Variants in FSTL4 observed in about 807,000 individuals in gnomAD.
FSTL4 encodes the protein follistatin like 4, also known as follistatin-related protein 4.
A neutral mutation model predicts 78.2 loss-of-function variants in FSTL4; 28 were observed. The observed-to-expected ratio is 0.36, with a 90% CI of 0.27 to 0.49. The LOEUF (loss-of-function observed/expected upper bound fraction) is 0.49. Ranked by LOEUF, FSTL4 falls within the 20% of genes least tolerant of loss-of-function variation. The probability of loss-of-function intolerance (pLI) is 0.98; values close to 1 mark genes in which losing one functional copy is unlikely to be tolerated. For synonymous variants in FSTL4, 422 were observed against 440.5 expected (o/e 0.96, Z 0.53); for missense variants, 922 against 1,084.9 (o/e 0.85, Z 2.11).
the FSTL4 span, among the ~76,000 whole-genome samples, chr5:133,639,571 A>G: frequency 2.0e-5 from 3 of 152,174 alleles, no homozygotes; most frequent in Non-Finnish European, 4.4e-5. Flanking sequence ...CAGAGCTTTG[A>G]GTCAAGTCAG....
the FSTL4 span, among the ~76,000 whole-genome samples, chr5:133,681,506 AAG>A: frequency 9.8e-3 from 1,497 of 152,346 alleles, 10 homozygotes; most frequent in Middle Eastern, 0.027. Context: ...GCCAAAATGT[AAG>A]AGTGATTTAC....
intron 3 of FSTL4, among the ~76,000 whole-genome samples, chr5:133,504,225 C>A (rs1001846785): frequency 1.3e-5 from 2 of 152,104 alleles, no homozygotes; most frequent in African/African-American, 4.8e-5. Flanking sequence ...CCGAAACTCC[C>A]TGTATTAGTG....
the FSTL4 span, among the ~76,000 whole-genome samples, chr5:133,802,240 C>T: frequency 2.6e-5 from 4 of 152,102 alleles, no homozygotes; most frequent in African/African-American, 9.7e-5. Context: ...TAAATATTGA[C>T]CAAATCGATG....
chr5:133,554,528 C>T (rs149711155), intron 3 of FSTL4, among the ~76,000 whole-genome samples: 37 of 152,300 alleles, frequency 2.4e-4, no homozygotes, highest in African/African-American at 7.9e-4. Flanking sequence ...TGTGGACAGA[C>T]GGGTCAGCTC....
chr5:133,568,412 C>T (rs1375237648), intron 2 of FSTL4, among the ~76,000 whole-genome samples: 1 of 152,162 alleles, frequency 6.6e-6, no homozygotes, highest in Non-Finnish European at 1.5e-5. Context: ...CACACCTTAG[C>T]ATTCTTGTCT....
At chr5:133,786,352 C>A in the FSTL4 span, among the ~76,000 whole-genome samples, 3 of 152,220 alleles carry the variant, frequency 2.0e-5, no homozygotes, top group East Asian at 3.8e-4. Flanking sequence ...ACTTTATAAT[C>A]ATTCTTCTGG....
the FSTL4 span, among the ~76,000 whole-genome samples, chr5:133,738,446 C>T: frequency 0.061 from 9,309 of 152,254 alleles, 380 homozygotes; most frequent in Non-Finnish European, 0.081. Flanking sequence ...GCCAAGGCCA[C>T]GTATATGATT....
chr5:133,419,875 C>T (rs917528830), intron 3 of FSTL4, among the ~76,000 whole-genome samples: 5 of 152,178 alleles, frequency 3.3e-5, no homozygotes, highest in Non-Finnish European at 7.4e-5. Flanking sequence ...TCTTGAACAT[C>T]TTTTTATGTG....
the FSTL4 span, among the ~76,000 whole-genome samples, chr5:133,739,866 C>T: frequency 2.6e-5 from 4 of 151,428 alleles, no homozygotes; most frequent in Non-Finnish European, 5.9e-5. Flanking sequence ...AGGAGGAGAA[C>T]TGAGATCATA....
At chr5:133,804,000 A>G in the FSTL4 span, among the ~76,000 whole-genome samples, 3,519 of 152,314 alleles carry the variant, frequency 0.023, 81 homozygotes, top group Non-Finnish European at 0.027. Flanking sequence ...TCCTGCTTCA[A>G]GGCTGGAGGC....
At chr5:133,833,546 A>C in the FSTL4 span, among the ~76,000 whole-genome samples, 263 of 152,310 alleles carry the variant, frequency 1.7e-3, no homozygotes, top group African/African-American at 6.1e-3. Context: ...GGGTATTTAC[A>C]TTCATCCTGG....
intron 4 of FSTL4, among the ~76,000 whole-genome samples, chr5:133,391,244 C>G (rs1203689135): frequency 6.6e-6 from 1 of 152,172 alleles, no homozygotes; most frequent in Non-Finnish European, 1.5e-5. Flanking sequence ...GGGCCTTGAT[C>G]TTAATTGAAG....
At position 133,225,805 on chromosome 5, in the gene FSTL4, G is replaced by A. The variant is rs1279619955; in HGVS notation, c.1030C>T (p.Arg344Cys). The part of the protein sequence containing the change: ...VLQVNVPPVI[R>C]VYPESQAQEP... The stretch of plus-strand genomic sequence containing the variant: ...TGTGCCTGGCTCTCTGGATAGACAC[G>A]GATGACTGGCGGCACTGTGGGTGAG... The change falls in exon 9 of 16, where the codon CGT (arginine) becomes TGT (cysteine). Residue 344 changes from arginine to cysteine, a missense_variant. Arg to Cys is a radical substitution (Grantham distance 180, BLOSUM62 -3). Transcript: ENST00000265342. This position sits in a 1 kb window ranked among gnomAD's most constrained non-coding sequence, Gnocchi z 4.6. 6.3e-6 allele frequency: 10 copies of A among 1,585,248 alleles called. No homozygotes were observed. Among genetic ancestry groups the A allele is most frequent in the Middle Eastern group, 1.7e-4 (1 of 5,926 alleles).
At chr5:133,371,071 G>A (rs1395968234) in intron 4 of FSTL4, among the ~76,000 whole-genome samples, 1 of 152,248 alleles carries the variant, frequency 6.6e-6, no homozygotes, top group Non-Finnish European at 1.5e-5. Flanking sequence ...TGCCTGGGTA[G>A]TTCTGGGCAA....
chr5:133,642,069 TC>T, the FSTL4 span, among the ~76,000 whole-genome samples: 1 of 152,174 alleles, frequency 6.6e-6, no homozygotes, highest in African/African-American at 2.4e-5. Flanking sequence ...CTTCCAGGCT[TC>T]CTTTGCCACT....
intron 4 of FSTL4, among the ~76,000 whole-genome samples, chr5:133,363,998 G>A (rs145558750): frequency 2.6e-5 from 4 of 152,278 alleles, no homozygotes; most frequent in South Asian, 2.1e-4. Context: ...CAGCCTTCCC[G>A]TAGATGCTTT....
chr5:133,302,755 T>A (rs573654653), intron 6 of FSTL4, among the ~76,000 whole-genome samples: 1 of 152,228 alleles, frequency 6.6e-6, no homozygotes, highest in Non-Finnish European at 1.5e-5. Flanking sequence ...ACCCGGCGCA[T>A]GCCACACGTG....
At chr5:133,830,595 G>A in the FSTL4 span, among the ~76,000 whole-genome samples, 4 of 152,138 alleles carry the variant, frequency 2.6e-5, no homozygotes, top group African/African-American at 4.8e-5. Flanking sequence ...AGAGACCATC[G>A]GGACAGAAAA....
chr5:133,212,906 G>A (rs1246915182), intron 13 of FSTL4, among the ~76,000 whole-genome samples: 2 of 151,556 alleles, frequency 1.3e-5, no homozygotes, highest in Non-Finnish European at 2.9e-5. Context: ...GCAACAATAA[G>A]ACTATCAGCA....
Sources: gnomAD v4.1 joint callset for allele counts (sites outside exome capture counted in the v4.1 genomes callset) on GRCh38, gnomAD v4.1.1 for gene constraint, Gnocchi (gnomAD v3.1) non-coding constraint, MANE v1.5 for transcripts, NCBI Gene and HGNC (gene_info 2026-07-23, HGNC 2026-07-21) for gene names.